Variants in PP2D1 observed in about 807,000 individuals in gnomAD.
The protein encoded by PP2D1 is protein phosphatase 2C-like domain-containing protein 1.
Under a neutral mutation model 30.2 loss-of-function variants are expected in PP2D1, and 25 were observed. The observed-to-expected ratio is 0.83, with a 90% CI of 0.60 to 1.16. PP2D1 has a LOEUF of 1.16. Among genes scored for constraint, PP2D1 ranks in the 50% most tolerant of loss-of-function variants. The pLI is 0.00. For synonymous variants in PP2D1, 260 were observed against 258.9 expected, an observed-to-expected ratio of 1.00 and a Z score of -0.04; for missense variants, 760 against 742.4, an observed-to-expected ratio of 1.02 and a Z score of -0.28.
chr3:19,999,368 G>A lies in PP2D1; in HGVS notation c.1090+1662C>T, dbSNP rs556538227. 2.7e-5 allele frequency among the ~76,000 whole-genome samples: 4 copies of A among 149,292 alleles called. No homozygotes were observed. The East Asian group carries it at 6.1e-4, about 23-fold the overall frequency. On this transcript the variant is annotated intron_variant, in intron 2 of 2. Transcript: ENST00000389050. ...GCTGGTTACAGGCGTCAGCCACCGC[G>A]CCCAGCCATTTTTTTATTTTTTATT...
At chr3:20,000,965 G>A (rs1697242445) in intron 2 of PP2D1, 65 bp downstream of exon 2, 2 of 874,776 alleles carry the variant, frequency 2.3e-6, no homozygotes, top group East Asian at 6.2e-5. Context: ...GTGGAAGCAT[G>A]AGGGGTTTTG....
At chr3:19,981,838 G>A (rs570266786), downstream of PP2D1, among the ~76,000 whole-genome samples, 67 of 152,124 alleles carry the variant, frequency 4.4e-4, 1 homozygote, top group African/African-American at 1.5e-3. Context: ...CACACTCATC[G>A]GACTCAAATA....
intron 2 of PP2D1, chr3:19,996,714 A>AT (rs1336254124): frequency 2.2e-4 from 31 of 143,778 alleles, no homozygotes; most frequent in African/African-American, 7.8e-4. Context: ...ATCAAACAAC[A>AT]TATTTTTTTT....
At chr3:19,988,218 T>C (rs2125137868) in intron 2 of PP2D1, among the ~76,000 whole-genome samples, 1 of 152,318 alleles carries the variant, frequency 6.6e-6, no homozygotes, top group Non-Finnish European at 1.5e-5. Flanking sequence ...AGAGCCATAT[T>C]TCTCTTCTTA....
intron 1 of PP2D1, among the ~76,000 whole-genome samples, chr3:20,010,268 G>A (rs550056406): frequency 2.0e-5 from 3 of 151,978 alleles, no homozygotes; most frequent in Admixed American, 6.6e-5. Context: ...GCTGATTTTT[G>A]TATTTTCAGT....
chr3:19,986,722 T>C (rs1697041891), intron 2 of PP2D1, among the ~76,000 whole-genome samples: 1 of 152,164 alleles, frequency 6.6e-6, no homozygotes, highest in Non-Finnish European at 1.5e-5. Context: ...TAGGTTGCTA[T>C]AATGTGTAGA....
rs748525161 is a variant in PP2D1 at position 19,985,991 on chromosome 3, G to A, written c.1282C>T (p.Leu428=). The stretch of plus-strand genomic sequence containing the variant: ...GGTGCTGGGATAATGGATTTTTTCA[G>A]CTTGAGATTTCCATGAAATCCAAGT... ...RGLGFHGNLK[L]KKSIIPAPQT... Residue 428 remains leucine (L), a synonymous_variant, in exon 3 of 3, where the codon CTG becomes TTG. Transcript: ENST00000389050. 3.2e-5 allele frequency: 49 copies of A among 1,536,080 alleles called. No individual in the cohort carries two copies. The highest frequency in any genetic ancestry group is 4.3e-5 in the Non-Finnish European group (49 of 1,146,860).
At chr3:20,010,005 TATA>T (rs1327013240) in intron 1 of PP2D1, among the ~76,000 whole-genome samples, 1 of 151,972 alleles carries the variant, frequency 6.6e-6, no homozygotes, top group East Asian at 1.9e-4. Flanking sequence ...CAAAATAGAG[TATA>T]ATAAGTCCCC....
downstream of PP2D1, chr3:19,983,637 T>C (rs1388002170): frequency 1.0e-5 from 10 of 1,001,522 alleles, no homozygotes; most frequent in Admixed American, 2.1e-5. Context: ...AGAAAAATTA[T>C]AGATAAGCAG....
chr3:19,992,139 A>G (rs545654042), intron 2 of PP2D1, among the ~76,000 whole-genome samples: 1 of 152,322 alleles, frequency 6.6e-6, no homozygotes, highest in South Asian at 2.1e-4. Flanking sequence ...TAAGAGTCTT[A>G]TTCATGTTGA....
At chr3:19,985,254 G>C, downstream of PP2D1, 1 of 698,592 alleles carries the variant, frequency 1.4e-6, no homozygotes, top group Non-Finnish European at 2.3e-6. Flanking sequence ...CCTAGTATCC[G>C]CTTTTATATT....
At chr3:20,008,696 A>AG (rs1334002101) in intron 1 of PP2D1, among the ~76,000 whole-genome samples, 1 of 152,188 alleles carries the variant, frequency 6.6e-6, no homozygotes, top group East Asian at 1.9e-4. Flanking sequence ...GGCTGCAGTG[A>AG]GCTGTGATCA....
downstream of PP2D1, chr3:19,984,415 T>G: frequency 6.3e-6 from 1 of 159,106 alleles, no homozygotes; most frequent in South Asian, 1.3e-4. Context: ...CCCAGTCTGG[T>G]TTTTTTTTTT....
chr3:19,999,156 T>C (rs1386516627), intron 2 of PP2D1, among the ~76,000 whole-genome samples: 2 of 147,192 alleles, frequency 1.4e-5, no homozygotes, highest in African/African-American at 2.5e-5. Context: ...CTCAGCTCAC[T>C]GCAACCTCCG....
chr3:20,008,500 G>A (rs987895379), intron 1 of PP2D1, among the ~76,000 whole-genome samples: 2 of 152,094 alleles, frequency 1.3e-5, no homozygotes, highest in Non-Finnish European at 2.9e-5. Context: ...CCGGGAGGTG[G>A]AGGTTGCAGG....
downstream of PP2D1, among the ~76,000 whole-genome samples, chr3:19,982,106 G>T (rs564900803): frequency 6.6e-6 from 1 of 151,898 alleles, no homozygotes; most frequent in Admixed American, 6.6e-5. Flanking sequence ...GCATGGTGGT[G>T]CACACCCTGT....
downstream of PP2D1, chr3:19,984,933 A>G (rs1465910475): frequency 5.8e-5 from 9 of 155,366 alleles, no homozygotes; most frequent in Admixed American, 1.3e-4. Context: ...GTTAGTAACA[A>G]TCTTGCAGCC....
intron 2 of PP2D1, among the ~76,000 whole-genome samples, chr3:19,986,761 G>T (rs1289635700): frequency 1.3e-5 from 2 of 152,082 alleles, no homozygotes; most frequent in East Asian, 1.9e-4. Context: ...TCCGCCAGGT[G>T]TGGTGGCTCA....
intron 2 of PP2D1, among the ~76,000 whole-genome samples, chr3:19,999,711 T>G (rs1214129018): frequency 6.6e-6 from 1 of 152,160 alleles, no homozygotes; most frequent in East Asian, 1.9e-4. Flanking sequence ...TTAATGACAG[T>G]ATCCACTTAT....
Sources: allele counts gnomAD v4.1 joint callset (sites outside exome capture counted in the v4.1 genomes callset), GRCh38; gene constraint gnomAD v4.1.1; transcripts MANE v1.5; gene names NCBI Gene and HGNC (gene_info 2026-07-23, HGNC 2026-07-21).